Variants in GOLGA3 observed in about 807,000 individuals in gnomAD.
The protein encoded by GOLGA3 is golgin subfamily A member 3.
GOLGA3 carries 75 observed loss-of-function variants against 169.4 expected under a neutral mutation model. The observed-to-expected ratio is 0.44, with a 90% confidence interval of 0.37 to 0.54. GOLGA3 has a LOEUF of 0.54. GOLGA3 is among the 20% of genes least tolerant of loss of function. The pLI, the probability that GOLGA3 is intolerant of heterozygous loss-of-function variation, is 0.00. For synonymous variants in GOLGA3, 824 were observed against 822.4 expected (o/e 1.00, Z -0.03); for missense variants, 1,899 against 1,930.0 (o/e 0.98, Z 0.30).
rs187167998 is a variant in GOLGA3, at chr12:132,789,267, G to A, written c.2571C>T (p.Arg857=). The A allele has an allele frequency of 1.3e-5, 20 of 1,599,684 alleles. No individual in the cohort carries two copies. Among genetic ancestry groups the A allele is most frequent in the East Asian group, 4.5e-5 (2 of 44,806 alleles). ...QQKVMVEAYR[R]DATSKDQLIS... ...TGAGCTGGTCTTTGGAGGTGGCGTCGCGCCGGTAGGCCTCCACCATCACCT... is the reference window on the plus strand; with the variant it reads ...TGAGCTGGTCTTTGGAGGTGGCGTCACGCCGGTAGGCCTCCACCATCACCT... Residue 857 remains arginine, a synonymous_variant, in exon 13 of 24, where the codon CGC becomes CGT. Coordinates refer to ENST00000450791, the MANE Select transcript of GOLGA3 (RefSeq NM_001389683.1).
chr12:132,816,829 C>G lies in GOLGA3; in HGVS notation c.134-17G>C. 1 of 1,567,300 alleles carries G rather than the reference C, an allele frequency of 6.4e-7. No homozygotes were observed. Among genetic ancestry groups the G allele is most frequent in the South Asian group, 1.2e-5 (1 of 85,954 alleles). ...CCTCGGCACCTGGAAAGACAGAGCA[C>G]GCTGGACCACCATGGCTTTAACAAC... On this transcript the variant is annotated splice_polypyrimidine_tract_variant and intron_variant, in intron 2 of 23. Transcript: ENST00000450791.
At chr12:132,799,086 C>T (rs1023933209) in intron 8 of GOLGA3, among the ~76,000 whole-genome samples, 9 of 152,190 alleles carry the variant, frequency 5.9e-5, no homozygotes, top group South Asian at 4.1e-4. Flanking sequence ...TAGACCTGCC[C>T]GCATCGCCTC....
In GOLGA3 at chr12:132,804,928, C is replaced by A; in HGVS notation, c.1385G>T (p.Arg462Leu). The A allele has an allele frequency of 6.2e-7, 1 of 1,613,812 alleles. No individual in the cohort carries two copies. Among genetic ancestry groups the A allele is most frequent in the African/African-American group, 1.3e-5 (1 of 75,064 alleles). Residue 462 changes from arginine (R) to leucine (L), a missense_variant, in exon 7 of 24, where the codon CGG becomes CTG. Arg to Leu is a moderately radical substitution (Grantham distance 102, BLOSUM62 -2). Coordinates refer to ENST00000450791, the MANE Select transcript of GOLGA3 (RefSeq NM_001389683.1). This position sits in a 1 kb window ranked among gnomAD's most constrained non-coding sequence, Gnocchi z 4.1. ...QVECSHSSQQRQDSLSSEVDT... is the reference protein window; with the variant it reads ...QVECSHSSQQLQDSLSSEVDT... ...CACCTCCGAGCTCAGCGAATCCTGC[C>A]GCTGCTGGCTGCTGTGGCTGCACTC...
chr12:132,786,616 A>G (rs1288835724), intron 14 of GOLGA3, 61 bp from the exon 15 acceptor site: 10 of 1,591,478 alleles, frequency 6.3e-6, no homozygotes, highest in Non-Finnish European at 8.6e-6. Flanking sequence ...ACCGTCTGGC[A>G]TTCTGGTTCG....
chr12:132,814,406 A>C (rs530050217), intron 3 of GOLGA3, among the ~76,000 whole-genome samples: 17 of 152,290 alleles, frequency 1.1e-4, no homozygotes, highest in Middle Eastern at 3.4e-3. Flanking sequence ...AGCTCTCACC[A>C]CGCTGCAACT....
intron 17 of GOLGA3, 24 bp downstream of exon 17, chr12:132,782,272 C>A: frequency 4.4e-6 from 7 of 1,576,354 alleles, no homozygotes; most frequent in Non-Finnish European, 6.1e-6. Flanking sequence ...CCGTTGCTGG[C>A]GTGAGTTTGA....
intron 23 of GOLGA3, 108 bp downstream of exon 23, chr12:132,774,048 CT>C (rs1375208544): frequency 2.9e-6 from 3 of 1,026,232 alleles, no homozygotes; most frequent in Non-Finnish European, 4.2e-6. Context: ...TTATATAAAC[CT>C]GCTGAAACTC....
chr12:132,774,921 G>A (rs1459270049), intron 22 of GOLGA3: 4 of 570,884 alleles, frequency 7.0e-6, no homozygotes, highest in Middle Eastern at 4.6e-4. Flanking sequence ...CAACAAAGTG[G>A]TATTTGAATT....
chr12:132,791,851 T>C (rs1302312362), intron 11 of GOLGA3, among the ~76,000 whole-genome samples: 1 of 111,794 alleles, frequency 8.9e-6, no homozygotes, highest in African/African-American at 3.3e-5. Context: ...ATCTGCAGAG[T>C]TGTTACACTG....
intron 22 of GOLGA3, chr12:132,774,911 C>G (rs1593219524): frequency 3.5e-6 from 2 of 568,210 alleles, no homozygotes; most frequent in Non-Finnish European, 6.2e-6. Flanking sequence ...AAGCACATTA[C>G]AACAAAGTGG....
At chr12:132,781,335 G>A (rs900017866) in intron 17 of GOLGA3, among the ~76,000 whole-genome samples, 12 of 152,158 alleles carry the variant, frequency 7.9e-5, no homozygotes, top group African/African-American at 2.4e-4. Flanking sequence ...GCCGAGGCAG[G>A]CGGATGACAG....
chr12:132,826,137 T>C, intron 1 of GOLGA3: 16 of 1,584,222 alleles, frequency 1.0e-5, no homozygotes, highest in Non-Finnish European at 1.4e-5. Flanking sequence ...CTCAACGTGC[T>C]CCAGGTCACC....
At chr12:132,805,095 C>T (rs1044718148) in intron 6 of GOLGA3, 73 bp from the exon 7 acceptor site, 7 of 1,496,892 alleles carry the variant, frequency 4.7e-6, no homozygotes, top group African/African-American at 4.1e-5. Flanking sequence ...AACAGGAACA[C>T]AACCAGCGAG....
chr12:132,776,395 A>C (rs2045243108), intron 21 of GOLGA3, among the ~76,000 whole-genome samples: 1 of 122,254 alleles, frequency 8.2e-6, no homozygotes. Context: ...TCACACAGGT[A>C]CCCGCAGCAG....
rs1047708419 is a variant in GOLGA3 at position 132,816,464 on chromosome 12, G to A, written c.406+76C>T. The A allele has an allele frequency of 2.1e-6, 3 of 1,459,282 alleles. No homozygotes were observed. In the African/African-American group the frequency reaches 4.2e-5, roughly 20 times the overall value. The allele number at this position is 1,459,282 out of a possible 1,614,324, so 90.4% of individuals were successfully genotyped here. A position where few individuals can be genotyped will look rare whatever the true frequency, so the allele number is the denominator to read the frequency against. On this transcript the variant is annotated intron_variant, in intron 3 of 23. Coordinates refer to ENST00000450791, the MANE Select transcript of GOLGA3 (RefSeq NM_001389683.1). ...GCACACAACAGCTCAGACAGTGAGT[G>A]CGCAGGGCACCTGCTCCCAAGGGGC...
Position 132,813,342 on chromosome 12 carries a change from G to A in GOLGA3, c.484C>T (p.Leu162Phe). 2 of 1,613,208 alleles carry A rather than the reference G, an allele frequency of 1.2e-6. No individual in the cohort carries two copies. Among genetic ancestry groups the A allele is most frequent in the Non-Finnish European group, 1.7e-6 (2 of 1,179,484 alleles). Reference sequence around the variant, plus strand: ...TGGCGCTTCACCCTGTACTGTTTGAGCTGCTCTTCCAGCCACTTCCGAGCC... The same window carrying A: ...TGGCGCTTCACCCTGTACTGTTTGAACTGCTCTTCCAGCCACTTCCGAGCC... ...LQARKWLEEQLKQYRVKRQQE... is the reference protein window; with the variant it reads ...LQARKWLEEQFKQYRVKRQQE... The change falls in exon 4 of 24, where the codon CTC (leucine) becomes TTC (phenylalanine). Residue 162 changes from leucine to phenylalanine, a missense_variant. Physicochemically the swap from Leu to Phe is conservative, Grantham distance 22. Transcript: ENST00000450791.
chr12:132,788,745 G>A (rs2046058452), intron 13 of GOLGA3, among the ~76,000 whole-genome samples: 1 of 152,186 alleles, frequency 6.6e-6, no homozygotes, highest in African/African-American at 2.4e-5. Flanking sequence ...GAAGCTGGGT[G>A]CCTCACGGGG....
In GOLGA3 at chr12:132,814,537, G is replaced by A. The variant is rs1949870860; in HGVS notation, c.407-1118C>T. On this transcript the variant is annotated intron_variant, in intron 3 of 23. Transcript: ENST00000450791. ...AGCCGTCGTGGGGTCACGAGACCCCGAGTGCATTTCTTTGCTCAGTTACAT... is the reference window on the plus strand; with the variant it reads ...AGCCGTCGTGGGGTCACGAGACCCCAAGTGCATTTCTTTGCTCAGTTACAT... Among the ~76,000 whole-genome samples, 7 of 152,188 alleles carry A rather than the reference G, an allele frequency of 4.6e-5. No individual in the cohort carries two copies. In the South Asian group the frequency reaches 8.3e-4, roughly 18 times the overall value.
In GOLGA3 at chr12:132,788,214, A is replaced by G. The variant is rs78876119; in HGVS notation, c.2811+813T>C. Among the ~76,000 whole-genome samples the G allele has an allele frequency of 1.0e-3, 158 of 152,134 alleles. 5 individuals are homozygous for G. The East Asian group carries it at 0.021, about 20-fold the overall frequency. Reference sequence around the variant, plus strand: ...ATGGTGCCGGCCACACCGCCTACTCACAGGCCTCAGCCTGGCTCCTAATGA... The same window carrying G: ...ATGGTGCCGGCCACACCGCCTACTCGCAGGCCTCAGCCTGGCTCCTAATGA... On this transcript the variant is annotated intron_variant, in intron 13 of 23. Transcript: ENST00000450791.
Sources: gnomAD v4.1 joint callset for allele counts (sites outside exome capture counted in the v4.1 genomes callset) on GRCh38, gnomAD v4.1.1 for gene constraint, Gnocchi (gnomAD v3.1) non-coding constraint, MANE v1.5 for transcripts, NCBI Gene and HGNC (gene_info 2026-07-23, HGNC 2026-07-21) for gene names.